GPHN: variants seen among roughly 807,000 people sequenced by gnomAD.
The protein encoded by GPHN is gephyrin.
A neutral mutation model predicts 95.5 loss-of-function variants in GPHN; 17 were observed. The observed-to-expected ratio is 0.18, with a 90% CI of 0.12 to 0.27. The LOEUF is 0.27. Ranked by LOEUF, GPHN falls within the 10% of genes least tolerant of loss-of-function variation. GPHN has a pLI of 1.00. For synonymous variants in GPHN, 320 were observed against 322.5 expected, an observed-to-expected ratio of 0.99 and a Z score of 0.08; for missense variants, 660 against 978.1, an observed-to-expected ratio of 0.67 and a Z score of 4.34.
At chr14:66,798,523 A>G (rs914993495) in intron 3 of GPHN, among the ~76,000 whole-genome samples, 3 of 151,768 alleles carry the variant, frequency 2.0e-5, no homozygotes, top group African/African-American at 4.8e-5. Context: ...AGATTTCTTC[A>G]TGTTTCAACC....
At chr14:67,089,769 A>C (rs772742858) in intron 12 of GPHN, among the ~76,000 whole-genome samples, 9 of 152,140 alleles carry the variant, frequency 5.9e-5, no homozygotes, top group Non-Finnish European at 8.8e-5. Context: ...CATATTTCAA[A>C]ATTCTGGCGC....
At chr14:67,532,076 T>C in the GPHN span, among the ~76,000 whole-genome samples, 1 of 152,186 alleles carries the variant, frequency 6.6e-6, no homozygotes. Context: ...CCACGAGCTA[T>C]AAAGCTGTTT....
the GPHN span, among the ~76,000 whole-genome samples, chr14:67,234,606 G>A: frequency 1.3e-5 from 2 of 152,052 alleles, no homozygotes; most frequent in African/African-American, 4.8e-5. Context: ...CTGGAGTGCC[G>A]TGGTGCGATC....
chr14:66,837,935 T>G (rs1185886597), intron 4 of GPHN, among the ~76,000 whole-genome samples: 2 of 152,116 alleles, frequency 1.3e-5, no homozygotes. Flanking sequence ...CAAGTGTAGA[T>G]GCAAGTGATG....
chr14:67,390,086 G>C, the GPHN span, among the ~76,000 whole-genome samples: 1 of 152,080 alleles, frequency 6.6e-6, no homozygotes, highest in Non-Finnish European at 1.5e-5. Context: ...CTAACTAAAG[G>C]GCCCTTTTTC....
rs367931257 is a variant in GPHN at position 67,010,326 on chromosome 14, G to A, written c.964-13307G>A. On this transcript the variant is annotated intron_variant, in intron 9 of 22. Transcript: ENST00000478722. ...AGCACTCTGGGAGGCTGAGGAGGGC[G>A]GATCACGAGGTCAGGATATCGAGAC... 1.7e-4 allele frequency among the ~76,000 whole-genome samples: 25 copies of A among 151,446 alleles called. No homozygotes were observed. The East Asian group carries it at 2.6e-3, about 16-fold the overall frequency.
At chr14:67,352,705 G>T in the GPHN span, 4 of 436,512 alleles carry the variant, frequency 9.2e-6, no homozygotes, top group Admixed American at 1.6e-4. Flanking sequence ...AGGCAGGCGG[G>T]GGGCCAATCA....
chr14:66,913,874 A>G (rs1390001935), intron 5 of GPHN, among the ~76,000 whole-genome samples: 1 of 152,186 alleles, frequency 6.6e-6, no homozygotes, highest in Non-Finnish European at 1.5e-5. Context: ...TAATGTTTGT[A>G]AAAATACTTT....
At chr14:66,784,573 A>G (rs2059709016) in intron 3 of GPHN, among the ~76,000 whole-genome samples, 1 of 152,186 alleles carries the variant, frequency 6.6e-6, no homozygotes, top group Non-Finnish European at 1.5e-5. Context: ...TACTTAACAC[A>G]ATCATATTTA....
At chr14:67,452,935 A>G in the GPHN span, among the ~76,000 whole-genome samples, 1 of 151,962 alleles carries the variant, frequency 6.6e-6, no homozygotes, top group Non-Finnish European at 1.5e-5. Context: ...TCTCCCTCCA[A>G]CCCTAGCCAT....
chr14:66,835,351 G>C (rs1310131291), intron 4 of GPHN, among the ~76,000 whole-genome samples: 2 of 151,616 alleles, frequency 1.3e-5, no homozygotes, highest in East Asian at 1.9e-4. Flanking sequence ...TGATGTGAGG[G>C]TGTCAATTTT....
intron 4 of GPHN, among the ~76,000 whole-genome samples, chr14:66,878,023 A>G (rs1209293566): frequency 6.6e-6 from 1 of 152,220 alleles, no homozygotes; most frequent in African/African-American, 2.4e-5. Context: ...GTACCAAAAC[A>G]GATATATAGA....
intron 2 of GPHN, chr14:66,760,639 T>G (rs2058722766): frequency 2.5e-6 from 1 of 407,448 alleles, no homozygotes; most frequent in Non-Finnish European, 4.6e-6. Flanking sequence ...AATCTAAATG[T>G]TATAAAAACG....
At chr14:66,524,342 A>G (rs2058600933) in intron 1 of GPHN, among the ~76,000 whole-genome samples, 1 of 152,146 alleles carries the variant, frequency 6.6e-6, no homozygotes, top group Admixed American at 6.5e-5. Flanking sequence ...GAGGTTAAAT[A>G]AACAATGATT....
the GPHN span, among the ~76,000 whole-genome samples, chr14:67,538,085 A>C: frequency 2.0e-5 from 3 of 152,120 alleles, no homozygotes; most frequent in Admixed American, 6.5e-5. Flanking sequence ...CCCTATTTCT[A>C]ATGTGTGATA....
At chr14:67,026,189 T>G (rs1055321525) in intron 10 of GPHN, among the ~76,000 whole-genome samples, 5 of 152,204 alleles carry the variant, frequency 3.3e-5, no homozygotes, top group African/African-American at 7.2e-5. Context: ...GGTAATAACT[T>G]GTTCAGAAAG....
At chr14:67,273,970 T>C in the GPHN span, among the ~76,000 whole-genome samples, 1 of 152,176 alleles carries the variant, frequency 6.6e-6, no homozygotes, top group Admixed American at 6.5e-5. Flanking sequence ...GATGGGGTTG[T>C]TTGATTTTTT....
intron 11 of GPHN, among the ~76,000 whole-genome samples, chr14:67,063,144 T>G (rs2075892737): frequency 6.6e-6 from 1 of 152,248 alleles, no homozygotes; most frequent in Non-Finnish European, 1.5e-5. Context: ...TTCAGCTTTC[T>G]ACATATGCCT....
At chr14:67,306,967 G>C in the GPHN span, among the ~76,000 whole-genome samples, 37 of 152,312 alleles carry the variant, frequency 2.4e-4, 1 homozygote, top group South Asian at 7.7e-3. Flanking sequence ...TGTTAGAAAT[G>C]TGTTTAAGAC....
Sources: allele counts gnomAD v4.1 joint callset (sites outside exome capture counted in the v4.1 genomes callset), GRCh38; gene constraint gnomAD v4.1.1; transcripts MANE v1.5; gene names NCBI Gene and HGNC (gene_info 2026-07-23, HGNC 2026-07-21).